The following LTBP1 variants were observed in gnomAD, a reference collection of about 807,000 sequenced individuals.
The protein encoded by LTBP1 is latent transforming growth factor beta binding protein 1, also known as latent-transforming growth factor beta-binding protein 1.
LTBP1 carries 129 observed loss-of-function variants against 207.6 expected under a neutral mutation model. The observed-to-expected ratio is 0.62, with a 90% CI of 0.54 to 0.72. The LOEUF is 0.72. LTBP1 is among the 30% of genes least tolerant of loss of function. The pLI is 0.00. For missense variants in LTBP1, 2,281 were observed against 2,217.2 expected, an observed-to-expected ratio of 1.03 and a Z score of -0.58; for synonymous variants, 963 against 833.7, an observed-to-expected ratio of 1.16 and a Z score of -2.67.
intron 3 of LTBP1, chr2:33,056,235 A>G (rs1194405472): frequency 4.4e-5 from 17 of 388,042 alleles, no homozygotes; most frequent in Middle Eastern, 3.5e-4. Context: ...ATTGGTCCCA[A>G]TAGCTTAGGA....
intron 19 of LTBP1, among the ~76,000 whole-genome samples, chr2:33,288,228 G>C (rs996301215): frequency 2.6e-5 from 4 of 152,142 alleles, no homozygotes; most frequent in African/African-American, 9.7e-5. Context: ...ACAAATTCTA[G>C]CCAACCCCAA....
At chr2:33,292,658 A>G (rs1037082953) in intron 19 of LTBP1, among the ~76,000 whole-genome samples, 8 of 152,226 alleles carry the variant, frequency 5.3e-5, no homozygotes, top group Non-Finnish European at 1.0e-4. Context: ...GGTTTTTATC[A>G]TATGGATTCA....
chr2:33,368,977 G>C (rs2095033835), intron 31 of LTBP1, among the ~76,000 whole-genome samples: 2 of 152,014 alleles, frequency 1.3e-5, no homozygotes. Context: ...TATGAGAAAT[G>C]AATTTTTGAA....
At chr2:32,959,622 T>TA (rs1491492410) in intron 2 of LTBP1, among the ~76,000 whole-genome samples, 176 of 39,438 alleles carry the variant, frequency 4.5e-3, no homozygotes, top group African/African-American at 8.5e-3. Context: ...TATATATATA[T>TA]TTTTTTTTTT....
chr2:33,122,019 C>A (rs2081151988), intron 4 of LTBP1, among the ~76,000 whole-genome samples: 1 of 148,168 alleles, frequency 6.7e-6, no homozygotes, highest in African/African-American at 2.5e-5. Flanking sequence ...CTAGTTCTTC[C>A]CCCCACCCTG....
intron 24 of LTBP1, among the ~76,000 whole-genome samples, chr2:33,317,417 C>T (rs1021645031): frequency 5.9e-5 from 9 of 152,148 alleles, no homozygotes; most frequent in Admixed American, 5.9e-4. Context: ...GGAGTAAGTT[C>T]TGCATGAATT....
At chr2:33,150,437 G>A (rs1196279433) in intron 5 of LTBP1, among the ~76,000 whole-genome samples, 1 of 151,624 alleles carries the variant, frequency 6.6e-6, no homozygotes, top group Non-Finnish European at 1.5e-5. Flanking sequence ...TATTATTTAA[G>A]CTGTTTTTAA....
At chr2:33,017,645 C>T (rs942166385) in intron 2 of LTBP1, among the ~76,000 whole-genome samples, 1 of 152,154 alleles carries the variant, frequency 6.6e-6, no homozygotes, top group African/African-American at 2.4e-5. Context: ...GAGATGGAGT[C>T]TTGCTCTGTC....
At chr2:33,222,025 C>A (rs6706122) in intron 8 of LTBP1, 55 bp from the exon 9 acceptor site, 47,659 of 1,273,900 alleles carry the variant, frequency 0.037, 2,231 homozygotes, top group African/African-American at 0.22. Context: ...ATCACTTACA[C>A]TAGTCTAAGA....
At chr2:33,228,759 GTGCAATCTCGGCTCAC>G (rs1364148785) in intron 9 of LTBP1, among the ~76,000 whole-genome samples, 3 of 137,294 alleles carry the variant, frequency 2.2e-5, no homozygotes, top group African/African-American at 8.3e-5. Context: ...GAGTGCAGTG[GTGCAATCTCGGCTCAC>G]TGCAATCTCC....
At chr2:33,307,964 A>G (rs890026650) in intron 22 of LTBP1, among the ~76,000 whole-genome samples, 1 of 152,208 alleles carries the variant, frequency 6.6e-6, no homozygotes, top group South Asian at 2.1e-4. Context: ...TGAACCAGAC[A>G]GCCGGGCGTA....
At chr2:33,014,148 A>G (rs949042327) in intron 2 of LTBP1, among the ~76,000 whole-genome samples, 2 of 152,204 alleles carry the variant, frequency 1.3e-5, no homozygotes, top group Non-Finnish European at 2.9e-5. Flanking sequence ...GTAAAGATTT[A>G]TTAAATATAT....
chr2:33,033,738 C>A (rs911313947), intron 3 of LTBP1, among the ~76,000 whole-genome samples: 1 of 151,768 alleles, frequency 6.6e-6, no homozygotes, highest in Non-Finnish European at 1.5e-5. Context: ...AAAAAATGCA[C>A]ACTAGAAAAT....
chr2:33,103,872 G>A lies in LTBP1; in HGVS notation c.864-6710G>A, dbSNP rs534704124. Among the ~76,000 whole-genome samples the A allele has an allele frequency of 1.2e-4, 18 of 152,182 alleles. No individual in the cohort carries two copies. The South Asian group carries it at 1.9e-3, about 16-fold the overall frequency. ...AATTTTGTGGAGAAGAACTGGCCCTGGCAGCCTGAAGGTGACCCCTGCACT... is the reference window on the plus strand; with the variant it reads ...AATTTTGTGGAGAAGAACTGGCCCTAGCAGCCTGAAGGTGACCCCTGCACT... On this transcript the variant is annotated intron_variant, in intron 3 of 33. Coordinates refer to ENST00000404816, the MANE Select transcript of LTBP1 (RefSeq NM_206943.4).
chr2:33,099,483 A>T (rs1409647177), intron 3 of LTBP1, among the ~76,000 whole-genome samples: 2 of 152,138 alleles, frequency 1.3e-5, no homozygotes, highest in Non-Finnish European at 2.9e-5. Context: ...GTGTGACTGG[A>T]GAACAGTTTT....
intron 2 of LTBP1, among the ~76,000 whole-genome samples, chr2:33,015,102 C>T (rs1245783233): frequency 1.3e-5 from 2 of 151,862 alleles, no homozygotes; most frequent in African/African-American, 2.4e-5. Context: ...GTGATGTTCT[C>T]TTCTCTTTGA....
At chr2:33,270,954 A>G (rs973526761) in intron 15 of LTBP1, among the ~76,000 whole-genome samples, 1 of 152,176 alleles carries the variant, frequency 6.6e-6, no homozygotes, top group Non-Finnish European at 1.5e-5. Flanking sequence ...AAAGGCCATT[A>G]TTACTCATTT....
chr2:32,958,018 C>T lies in LTBP1; in HGVS notation c.565+9073C>T, dbSNP rs1483578079. Among the ~76,000 whole-genome samples, 3 of 152,290 alleles carry T rather than the reference C, an allele frequency of 2.0e-5. No individual in the cohort carries two copies. In the East Asian group the frequency reaches 5.8e-4, roughly 29 times the overall value. ...TATCTTACCTGCTTTTGTTGCCTTT[C>T]TCCTCTTCCTCCCCTTACTTGGTCT... On this transcript the variant is annotated intron_variant, in intron 2 of 33. Transcript: ENST00000404816.
intron 7 of LTBP1, among the ~76,000 whole-genome samples, chr2:33,194,029 C>CCT (rs1191152317): frequency 2.6e-5 from 4 of 151,872 alleles, no homozygotes; most frequent in African/African-American, 9.7e-5. Context: ...CTCTGTTACC[C>CCT]AGGCTGGAGT....
Sources: allele counts gnomAD v4.1 joint callset (sites outside exome capture counted in the v4.1 genomes callset), GRCh38; gene constraint gnomAD v4.1.1; transcripts MANE v1.5; gene names NCBI Gene and HGNC (gene_info 2026-07-23, HGNC 2026-07-21).